Variants in CCT4 observed in about 807,000 individuals in gnomAD.
The protein encoded by CCT4 is T-complex protein 1 subunit delta.
Under a neutral mutation model 62.5 loss-of-function variants are expected in CCT4, and 17 were observed. That is an observed-to-expected ratio of 0.27 (90% CI 0.19 to 0.41). The LOEUF (loss-of-function observed/expected upper bound fraction) is 0.41, where lower values mean the gene tolerates loss of function less well. Among genes scored for constraint, CCT4 ranks in the 10% least tolerant of loss-of-function variants. The pLI is 1.00. For missense variants in CCT4, 592 were observed against 659.2 expected, an observed-to-expected ratio of 0.90 and a Z score of 1.12; for synonymous variants, 250 against 229.9, an observed-to-expected ratio of 1.09 and a Z score of -0.79.
At position 61,873,164 on chromosome 2, in the gene CCT4, C is replaced by T. The variant is rs1352233889; in HGVS notation, c.1014+33G>A. 6.9e-6 allele frequency: 10 copies of T among 1,449,010 alleles called. No individual in the cohort carries two copies. The South Asian group carries it at 8.0e-5, about 12-fold the overall frequency. The allele number at this position is 1,449,010 out of a possible 1,614,324, so 89.8% of individuals were successfully genotyped here. A position where few individuals can be genotyped will look rare whatever the true frequency, so the allele number is the denominator to read the frequency against. ...TTAAGACATTTATCTAATTATCAGACATTTTCCACAAATACAGATGTTAAT... is the reference window on the plus strand; with the variant it reads ...TTAAGACATTTATCTAATTATCAGATATTTTCCACAAATACAGATGTTAAT... On this transcript the variant is annotated intron_variant, in intron 9 of 13. Coordinates refer to ENST00000394440, the MANE Select transcript of CCT4 (RefSeq NM_006430.4).
chr2:61,871,159 G>C (rs1668876051), intron 12 of CCT4, among the ~76,000 whole-genome samples: 1 of 151,058 alleles, frequency 6.6e-6, no homozygotes, highest in African/African-American at 2.4e-5. Flanking sequence ...AGCCTCCCGT[G>C]TAGCTGGGAT....
intron 2 of CCT4, among the ~76,000 whole-genome samples, chr2:61,884,112 A>G (rs180910420): frequency 2.6e-5 from 4 of 152,334 alleles, no homozygotes; most frequent in African/African-American, 9.6e-5. Context: ...AGTTACATCC[A>G]TAAGGAACAC....
Position 61,873,190 on chromosome 2 carries a change from G to T in CCT4, c.1014+7C>A. 1 of 1,440,884 alleles carries T rather than the reference G, an allele frequency of 6.9e-7. No homozygotes were observed. Among genetic ancestry groups the T allele is most frequent in the Non-Finnish European group, 9.8e-7 (1 of 1,022,552 alleles). The allele number at this position is 1,440,884 out of a possible 1,614,324, so 89.3% of individuals were successfully genotyped here. A position where few individuals can be genotyped will look rare whatever the true frequency, so the allele number is the denominator to read the frequency against. On this transcript the variant is annotated splice_region_variant and intron_variant, in intron 9 of 13. Transcript: ENST00000394440. ...ATTTTCCACAAATACAGATGTTAAT[G>T]TTTTACCTTACAAATGAATTCAATG...
In CCT4 at chr2:61,868,342, T is replaced by C. The variant is rs771112272; in HGVS notation, c.*350A>G. ...AACTTTTAAGACAGCATATATATTA[T>C]ATGTTGGTAGTTTTTAAGGCCAGGG... On this transcript the variant is annotated 3_prime_UTR_variant, in exon 14 of 14. Coordinates refer to ENST00000394440, the MANE Select transcript of CCT4 (RefSeq NM_006430.4). 5 of 232,290 alleles carry C rather than the reference T, an allele frequency of 2.2e-5. No individual in the cohort carries two copies. The highest frequency in any genetic ancestry group is 4.2e-5 in the Non-Finnish European group (5 of 117,658). 14.4% of individuals were successfully genotyped at this position (232,290 alleles called of 1,614,324 possible).
intron 3 of CCT4, among the ~76,000 whole-genome samples, chr2:61,880,658 C>CTAT (rs1253918488): frequency 6.6e-6 from 1 of 152,076 alleles, no homozygotes; most frequent in Non-Finnish European, 1.5e-5. Context: ...CGTAAGTACT[C>CTAT]TATAGAATTG....
intron 5 of CCT4, among the ~76,000 whole-genome samples, chr2:61,878,307 A>G (rs917245273): frequency 1.3e-5 from 2 of 152,222 alleles, no homozygotes; most frequent in African/African-American, 4.8e-5. Flanking sequence ...AAGTTTGGTA[A>G]ATAAGAAAAG....
In CCT4 at chr2:61,883,482, C is replaced by T; in HGVS notation, c.247G>A (p.Val83Ile). 6.4e-7 allele frequency: 1 copy of T among 1,552,034 alleles called. No homozygotes were observed. Among genetic ancestry groups the T allele is most frequent in the Non-Finnish European group, 8.8e-7 (1 of 1,133,840 alleles). The change falls in exon 3 of 14, where the codon GTA becomes ATA. Residue 83 changes from valine to isoleucine, a missense_variant. Coordinates refer to ENST00000394440, the MANE Select transcript of CCT4 (RefSeq NM_006430.4). ...ACCATTCTGGCTGCTGGATGTAATA[C>T]TTGCATTTGTTTCAGAATGGTAGCA... ...DGATILKQMQVLHPAARMLVE... is the reference protein window; with the variant it reads ...DGATILKQMQILHPAARMLVE...
chr2:61,869,397 CT>C (rs1266568102), intron 13 of CCT4, 42 bp downstream of exon 13: 5 of 1,084,222 alleles, frequency 4.6e-6, no homozygotes, highest in Non-Finnish European at 7.1e-6. Flanking sequence ...AAATATATGC[CT>C]TTTTGACCTC....
chr2:61,888,518 G>A lies in CCT4; in HGVS notation c.-11C>T, dbSNP rs962873668. 7 of 1,609,984 alleles carry A rather than the reference G, an allele frequency of 4.3e-6. No individual in the cohort carries two copies. The highest frequency in any genetic ancestry group is 3.3e-5 in the South Asian group (3 of 90,782). On this transcript the variant is annotated 5_prime_UTR_variant, in exon 1 of 14. Transcript: ENST00000394440. ...CACATTCTCGGGCATGGCAAACTCC[G>A]CTGTGTCTGGGTTGGCTCGGGAAGG...
chr2:61,886,304 C>G (rs1015074074), intron 1 of CCT4, among the ~76,000 whole-genome samples: 1 of 152,036 alleles, frequency 6.6e-6, no homozygotes, highest in Non-Finnish European at 1.5e-5. Flanking sequence ...GCTAGCTACT[C>G]GGGAGGCTGA....
chr2:61,884,974 G>C, intron 2 of CCT4, 46 bp downstream of exon 2: 3 of 1,456,790 alleles, frequency 2.1e-6, no homozygotes, highest in South Asian at 1.2e-5. Context: ...CTTGTAGTGT[G>C]AACAGCAGTG....
chr2:61,874,853 G>A (rs1033446192), intron 8 of CCT4, among the ~76,000 whole-genome samples: 2 of 151,826 alleles, frequency 1.3e-5, no homozygotes, highest in African/African-American at 4.8e-5. Context: ...ACATTTAAAA[G>A]GGAAGATAGG....
At chr2:61,877,286 AAG>A (rs924553008) in intron 6 of CCT4, 105 bp downstream of exon 6, 5 of 1,195,312 alleles carry the variant, frequency 4.2e-6, no homozygotes, top group East Asian at 2.4e-5. Flanking sequence ...CAAAACCAAA[AAG>A]AGAAAAGAGA....
At chr2:61,882,995 C>A (rs1572925004) in intron 3 of CCT4, among the ~76,000 whole-genome samples, 2 of 152,188 alleles carry the variant, frequency 1.3e-5, no homozygotes, top group South Asian at 4.1e-4. Flanking sequence ...TCACCTCACA[C>A]CAAAAAGCAC....
intron 1 of CCT4, chr2:61,886,115 A>C (rs1389393332): frequency 1.3e-5 from 2 of 152,236 alleles, no homozygotes; most frequent in Non-Finnish European, 2.9e-5. Flanking sequence ...ATACTCTTCT[A>C]AAAAATCCAA....
chr2:61,872,987 G>A lies in CCT4; in HGVS notation c.1125+15C>T, dbSNP rs1668915912. 7.1e-7 allele frequency: 1 copy of A among 1,407,010 alleles called. No individual in the cohort carries two copies. The highest frequency in any genetic ancestry group is 1.0e-6 in the Non-Finnish European group (1 of 991,438). The allele number at this position is 1,407,010 out of a possible 1,614,324, so 87.2% of individuals were successfully genotyped here. ...CAAACCTAAGCAAATAAAAATTTAA[G>A]TGTAATACTGTTACCTTGAGCAGTT... On this transcript the variant is annotated intron_variant, in intron 10 of 13. Coordinates refer to ENST00000394440, the MANE Select transcript of CCT4 (RefSeq NM_006430.4).
intron 2 of CCT4, among the ~76,000 whole-genome samples, chr2:61,884,553 C>A (rs558529171): frequency 3.9e-4 from 60 of 152,008 alleles, no homozygotes; most frequent in African/African-American, 1.4e-3. Flanking sequence ...TTGTGATCCA[C>A]CCGTCTCGGC....
rs183773480 is a variant in CCT4 at position 61,877,595 on chromosome 2, A to G, written c.523-81T>C. 34 of 1,113,054 alleles carry G rather than the reference A, an allele frequency of 3.1e-5. No individual in the cohort carries two copies. In the Admixed American group the frequency reaches 4.5e-4, roughly 15 times the overall value. The allele number at this position is 1,113,054 out of a possible 1,614,324, so 68.9% of individuals were successfully genotyped here. A position where few individuals can be genotyped will look rare whatever the true frequency, so the allele number is the denominator to read the frequency against. ...TTTTCAATGACAAAGATACTTAAGA[A>G]AGACTCTTATAATTTTTGCAGTGGG... is the stretch of plus-strand genomic sequence containing the variant. On this transcript the variant is annotated intron_variant, in intron 5 of 13. Transcript: ENST00000394440.
At chr2:61,884,476 A>C (rs542299566) in intron 2 of CCT4, among the ~76,000 whole-genome samples, 1 of 151,414 alleles carries the variant, frequency 6.6e-6, no homozygotes, top group Non-Finnish European at 1.5e-5. Flanking sequence ...ATGCCTGGCT[A>C]ATTTTTGTAT....
Sources: allele counts gnomAD v4.1 joint callset (sites outside exome capture counted in the v4.1 genomes callset), GRCh38; gene constraint gnomAD v4.1.1; transcripts MANE v1.5; gene names NCBI Gene and HGNC (gene_info 2026-07-23, HGNC 2026-07-21).